Variants in ADGRG4 observed in about 807,000 individuals in gnomAD.
ADGRG4 encodes adhesion G protein-coupled receptor G4, also known as G protein-coupled receptor 112.
ADGRG4 carries 122 observed loss-of-function variants against 126.2 expected under a neutral mutation model. The ratio of observed to expected loss-of-function variants is 0.97; its 90% CI spans 0.83 to 1.12. The LOEUF is 1.12. Among genes scored for constraint, ADGRG4 ranks in the 50% most tolerant of loss-of-function variants. ADGRG4 has a pLI of 0.00. For missense variants in ADGRG4, 2,481 were observed against 2,251.8 expected (o/e 1.10, Z -2.06); for synonymous variants, 943 against 838.7 (o/e 1.12, Z -2.15).
At chrX:136,333,451 A>G (rs189336613) in intron 5 of ADGRG4, among the ~76,000 whole-genome samples, 1 of 111,223 alleles carries the variant, frequency 9.0e-6, no homozygotes, top group Non-Finnish European at 1.9e-5. Flanking sequence ...TGTTGGGTAT[A>G]TCTTTTGCAA....
intron 5 of ADGRG4, among the ~76,000 whole-genome samples, chrX:136,327,928 A>G (rs2074884128): frequency 9.0e-6 from 1 of 111,385 alleles, no homozygotes; most frequent in Non-Finnish European, 1.9e-5. Context: ...AAAAGTATAA[A>G]TCTAAAGTCT....
chrX:136,348,026 T>C lies in ADGRG4; in HGVS notation c.4320T>C (p.His1440=). The C allele has an allele frequency of 8.3e-7, 1 of 1,210,783 alleles. No homozygotes were observed. Among genetic ancestry groups the C allele is most frequent in the Non-Finnish European group, 1.1e-6 (1 of 894,584 alleles). Residue 1440 remains histidine, a synonymous_variant, in exon 6 of 26, where the codon CAT becomes CAC. Coordinates refer to ENST00000394143, the MANE Select transcript of ADGRG4 (RefSeq NM_153834.4). ...TCAATACAACTTTTTCACACTTGCA[T>C]TCACTTAGGACACAACCTGAGGTGA... ...MDINTTFSHL[H]SLRTQPEVTS...
intron 15 of ADGRG4, among the ~76,000 whole-genome samples, chrX:136,384,044 A>G (rs1307766685): frequency 9.1e-6 from 1 of 109,376 alleles, no homozygotes; most frequent in East Asian, 2.8e-4. Flanking sequence ...GGCATGTGCC[A>G]CCACGCATGG....
intron 4 of ADGRG4, among the ~76,000 whole-genome samples, chrX:136,311,863 T>A (rs1022618716): frequency 9.0e-6 from 1 of 110,976 alleles, no homozygotes; most frequent in African/African-American, 3.3e-5. Flanking sequence ...AAAAATTTTA[T>A]TTTTTAAATT....
chrX:136,385,026 T>C (rs1206071169), intron 15 of ADGRG4, among the ~76,000 whole-genome samples: 2 of 111,256 alleles, frequency 1.8e-5, no homozygotes, highest in Admixed American at 9.6e-5. Context: ...CATTTTCTCT[T>C]TCCTCTCCTT....
rs2075477819 is a variant in ADGRG4 at position 136,416,761 on chromosome X, C to T, written c.*270C>T. On this transcript the variant is annotated 3_prime_UTR_variant, in exon 26 of 26. Transcript: ENST00000394143. The stretch of plus-strand genomic sequence containing the variant: ...TAAATCCCAGTAGAGATACTTGCCT[C>T]CTCCCAACCCCTGATTGGGGAAAAG... 1.3e-5 allele frequency: 3 copies of T among 225,663 alleles called. No individual in the cohort carries two copies. The highest frequency in any genetic ancestry group is 2.4e-5 in the Non-Finnish European group (3 of 126,669). The allele number at this position is 225,663 out of a possible 1,213,427, so 18.6% of individuals were successfully genotyped here. A position where few individuals can be genotyped will look rare whatever the true frequency, so the allele number is the denominator to read the frequency against.
At chrX:136,334,868 T>C (rs1173243714) in intron 5 of ADGRG4, among the ~76,000 whole-genome samples, 1 of 111,854 alleles carries the variant, frequency 8.9e-6, no homozygotes, top group Non-Finnish European at 1.9e-5. Flanking sequence ...TAATCTGCAA[T>C]GCCTTAAAAA....
At chrX:136,379,651 C>T (rs754197242) in intron 15 of ADGRG4, among the ~76,000 whole-genome samples, 2 of 109,433 alleles carry the variant, frequency 1.8e-5, no homozygotes, top group South Asian at 8.1e-4. Flanking sequence ...TTTGTGCAAC[C>T]GTTTAAAAAT....
intron 24 of ADGRG4, among the ~76,000 whole-genome samples, chrX:136,413,751 T>TG (rs2075460761): frequency 1.8e-5 from 2 of 109,547 alleles, no homozygotes; most frequent in Admixed American, 9.7e-5. Context: ...TTTTTGTTTT[T>TG]TTTTTTGAGA....
intron 5 of ADGRG4, among the ~76,000 whole-genome samples, chrX:136,330,385 C>A (rs773493670): frequency 9.2e-6 from 1 of 108,873 alleles, no homozygotes; most frequent in African/African-American, 3.4e-5. Context: ...TTTAGGATTA[C>A]CTTTTTTTTT....
chrX:136,414,064 G>T (rs968496293), intron 24 of ADGRG4, 96 bp from the exon 25 acceptor site: 1 of 741,676 alleles, frequency 1.3e-6, no homozygotes, highest in African/African-American at 2.2e-5. Flanking sequence ...TTTAAACCAG[G>T]TTATTGAAGT....
Position 136,407,154 on chromosome X carries a change from C to T in ADGRG4, c.8935+1182C>T, listed in dbSNP as rs150788848. Among the ~76,000 whole-genome samples the T allele has an allele frequency of 7.6e-3, 843 of 110,684 alleles. 6 individuals carry two copies. The highest frequency in any genetic ancestry group is 0.026 in the African/African-American group (779 of 30,387). On this transcript the variant is annotated intron_variant, in intron 23 of 25. Coordinates refer to ENST00000394143, the MANE Select transcript of ADGRG4 (RefSeq NM_153834.4). The stretch of plus-strand genomic sequence containing the variant: ...TTGAGTTAGAGTCTCCCTTCGTGCT[C>T]TCCACTATTTTTTTTTCATTCAATA...
intron 5 of ADGRG4, among the ~76,000 whole-genome samples, chrX:136,326,075 G>GCC (rs1300557505): frequency 8.9e-6 from 1 of 111,987 alleles, no homozygotes; most frequent in Non-Finnish European, 1.9e-5. Context: ...TGGGCATAAT[G>GCC]CACAATCTAA....
rs142179373 is a variant in ADGRG4 at position 136,344,486 on chromosome X, A to G, written c.780A>G (p.Pro260=). The G allele has an allele frequency of 3.3e-5, 40 of 1,203,349 alleles. No individual in the cohort carries two copies. In the African/African-American group the frequency reaches 6.6e-4, roughly 20 times the overall value. ...CATCCCAAATTACTGGAGTAAAACC[A>G]CAAAATACTGCACATTCCTCTACAC... ...TTPSQITGVK[P]QNTAHSSTLL... is the part of the protein sequence containing the mutation. The change falls in exon 6 of 26, where the codon CCA becomes CCG. Residue 260 remains proline (P), a synonymous_variant. Coordinates refer to ENST00000394143, the MANE Select transcript of ADGRG4 (RefSeq NM_153834.4).
intron 10 of ADGRG4, among the ~76,000 whole-genome samples, chrX:136,358,804 C>T (rs1416975316): frequency 8.9e-6 from 1 of 112,205 alleles, no homozygotes; most frequent in African/African-American, 3.2e-5. Context: ...ATGTTAGCTA[C>T]TATCATTATC....
intron 5 of ADGRG4, among the ~76,000 whole-genome samples, chrX:136,330,386 C>CTT (rs113126296): frequency 2.0e-5 from 2 of 101,826 alleles, no homozygotes; most frequent in African/African-American, 7.1e-5. Flanking sequence ...TTAGGATTAC[C>CTT]TTTTTTTTTT....
rs1353711930 is a variant in ADGRG4, at chrX:136,350,262, T to G, written c.6556T>G (p.Ser2186Ala). 1 of 1,209,468 alleles carries G rather than the reference T, an allele frequency of 8.3e-7. No individual in the cohort carries two copies. Among genetic ancestry groups the G allele is most frequent in the East Asian group, 3.0e-5 (1 of 33,803 alleles). The change falls in exon 6 of 26, where the codon TCC (serine) becomes GCC (alanine). Residue 2186 changes from serine to alanine, a missense_variant. Transcript: ENST00000394143. The stretch of plus-strand genomic sequence containing the variant: ...CCTTCTAAATATAATGACTACTACA[T>G]CCACTGTTCCTGGAGCCTCATTTCC... ...DSLLNIMTTT[S>A]TVPGASFPLI...
intron 5 of ADGRG4, among the ~76,000 whole-genome samples, chrX:136,340,375 A>G (rs1252891086): frequency 1.8e-5 from 2 of 111,652 alleles, no homozygotes; most frequent in Non-Finnish European, 3.8e-5. Context: ...TATCTAGGAT[A>G]TGAATGATTA....
At chrX:136,358,728 G>A (rs969952810) in intron 10 of ADGRG4, among the ~76,000 whole-genome samples, 1 of 111,782 alleles carries the variant, frequency 8.9e-6, no homozygotes, top group African/African-American at 3.3e-5. Flanking sequence ...AATAATAATA[G>A]CATTACCTCA....
Sources: gnomAD v4.1 joint callset for allele counts (sites outside exome capture counted in the v4.1 genomes callset) on GRCh38, gnomAD v4.1.1 for gene constraint, MANE v1.5 for transcripts, NCBI Gene and HGNC (gene_info 2026-07-23, HGNC 2026-07-21) for gene names.